The following THUMPD2 variants were observed in gnomAD, a reference collection of about 807,000 sequenced individuals.
The protein encoded by THUMPD2 is THUMP domain 2 tRNA and snRNA guanosine methyltransferase.
THUMPD2 carries 56 observed loss-of-function variants against 49.4 expected under a neutral mutation model. The ratio of observed to expected loss-of-function variants is 1.13; its 90% CI spans 0.91 to 1.41. THUMPD2 has a LOEUF of 1.41. Ranked by LOEUF, THUMPD2 falls within the 40% of genes most tolerant of loss-of-function variation. THUMPD2 has a pLI of 0.00. For synonymous variants in THUMPD2, 237 were observed against 205.2 expected (o/e 1.15, Z -1.32); for missense variants, 709 against 594.5 (o/e 1.19, Z -2.00).
chr2:39,769,845 A>C lies in THUMPD2; in HGVS notation c.537T>G (p.Thr179=). The C allele has an allele frequency of 6.2e-7, 1 of 1,612,336 alleles. No homozygotes were observed. The highest frequency in any genetic ancestry group is 8.5e-7 in the Non-Finnish European group (1 of 1,179,454). Residue 179 remains threonine, a synonymous_variant, in exon 3 of 10, where the codon ACT becomes ACG. Coordinates refer to ENST00000505747, the MANE Select transcript of THUMPD2 (RefSeq NM_025264.5). The part of the protein sequence containing the change: ...EETLEQRDFT[T]KSEKFQEEEF... ...CTTCTTCTTGAAACTTTTCGCTTTT[A>C]GTGGTAAAATCTCTTTGCTCCAGAG... is the stretch of plus-strand genomic sequence containing the variant.
Position 39,736,958 on chromosome 2 carries a change from T to A in THUMPD2, c.1289A>T (p.Asp430Val), listed in dbSNP as rs777445201. 6 of 1,614,118 alleles carry A rather than the reference T, an allele frequency of 3.7e-6. 1 individual carries two copies. In the Admixed American group the frequency reaches 1.0e-4, roughly 27 times the overall value. ...AATTCCAGGTTCATCTGTGTGACTG[T>A]CCTTGGAATTGAAAGGGATGTTGCT... is the stretch of plus-strand genomic sequence containing the variant. ...KESNIPFNSKDSHTDEPGIKK... is the reference protein window; with the variant it reads ...KESNIPFNSKVSHTDEPGIKK... Residue 430 changes from aspartate (D) to valine (V), a missense_variant, in exon 10 of 10, where the codon GAC (aspartate) becomes GTC (valine). Physicochemically the swap from Asp to Val is radical, Grantham distance 152. Coordinates refer to ENST00000505747, the MANE Select transcript of THUMPD2 (RefSeq NM_025264.5).
chr2:39,770,576 A>G (rs1312243008), intron 2 of THUMPD2, among the ~76,000 whole-genome samples: 1 of 152,144 alleles, frequency 6.6e-6, no homozygotes, highest in Non-Finnish European at 1.5e-5. Context: ...CACCATATTA[A>G]TAAGTATATT....
intron 2 of THUMPD2, among the ~76,000 whole-genome samples, chr2:39,770,966 T>C (rs1162160323): frequency 6.6e-6 from 1 of 152,156 alleles, no homozygotes; most frequent in African/African-American, 2.4e-5. Context: ...TATGTTGTTT[T>C]AGCAGCATAT....
Position 39,779,226 on chromosome 2 carries a change from C to T in THUMPD2, c.14G>A (p.Arg5His). 1 of 1,497,552 alleles carries T rather than the reference C, an allele frequency of 6.7e-7. No homozygotes were observed. The highest frequency in any genetic ancestry group is 8.9e-7 in the Non-Finnish European group (1 of 1,129,756). 92.8% of individuals were successfully genotyped at this position (1,497,552 alleles called of 1,614,324 possible). ...CTCAGGCCCGGACCCTGGCTCTCCA[C>T]GCGCCTCCGACATGGCGGCTCAGGC... The part of the protein sequence containing the change: MSEA[R>H]GEPGSGPEAG... The change falls in exon 1 of 10, where the codon CGT (arginine) becomes CAT (histidine). Residue 5 changes from arginine to histidine, a missense_variant. By Grantham distance (29) the Arg-to-His change is conservative. Transcript: ENST00000505747.
intron 1 of THUMPD2, among the ~76,000 whole-genome samples, chr2:39,777,335 C>T (rs927180556): frequency 1.3e-5 from 2 of 152,172 alleles, no homozygotes; most frequent in Non-Finnish European, 2.9e-5. Flanking sequence ...AAAGACCATA[C>T]GTACTCTACC....
chr2:39,770,624 T>C (rs1423728418), intron 2 of THUMPD2, among the ~76,000 whole-genome samples: 3 of 152,154 alleles, frequency 2.0e-5, no homozygotes, highest in Admixed American at 6.5e-5. Context: ...AACCCATTTA[T>C]AGCTTAGCAT....
chr2:39,740,581 T>C (rs1438154576), intron 9 of THUMPD2, among the ~76,000 whole-genome samples: 1 of 152,210 alleles, frequency 6.6e-6, no homozygotes, highest in Non-Finnish European at 1.5e-5. Context: ...CTTCTAGGCA[T>C]CTTTCCATGA....
chr2:39,771,709 A>G, intron 1 of THUMPD2, 69 bp from the exon 2 acceptor site: 1 of 1,446,724 alleles, frequency 6.9e-7, no homozygotes. Flanking sequence ...TTCCCTCAAG[A>G]TATAGCATCT....
chr2:39,751,901 G>A (rs575073159), intron 8 of THUMPD2, among the ~76,000 whole-genome samples: 190 of 152,120 alleles, frequency 1.2e-3, no homozygotes, highest in Non-Finnish European at 1.8e-3. Context: ...TGGCCAGGCT[G>A]GTCTCGAATT....
In THUMPD2 at chr2:39,744,391, C is replaced by G; in HGVS notation, c.1166G>C (p.Ser389Thr). 6.3e-7 allele frequency: 1 copy of G among 1,577,592 alleles called. No individual in the cohort carries two copies. The highest frequency in any genetic ancestry group is 1.2e-5 in the South Asian group (1 of 84,184). ...KKFKLGKDIK[S>T]ILQEMERVLH... Reference sequence around the variant, plus strand: ...TTACCTTTCCATTTCTTGTAGAATGCTTTTGATGTCTTTTCCTAACTTAAA... The same window carrying G: ...TTACCTTTCCATTTCTTGTAGAATGGTTTTGATGTCTTTTCCTAACTTAAA... Residue 389 changes from serine (S) to threonine (T), a missense_variant, in exon 9 of 10, where the codon AGC (serine) becomes ACC (threonine). Transcript: ENST00000505747.
intron 9 of THUMPD2, among the ~76,000 whole-genome samples, chr2:39,740,849 G>A (rs1196350800): frequency 6.6e-6 from 1 of 151,974 alleles, no homozygotes; most frequent in Non-Finnish European, 1.5e-5. Context: ...GGGACTGAAG[G>A]TGCATGCCAC....
At chr2:39,756,451 C>T (rs1258646231) in intron 6 of THUMPD2, among the ~76,000 whole-genome samples, 1 of 145,300 alleles carries the variant, frequency 6.9e-6, no homozygotes, top group Non-Finnish European at 1.5e-5. Flanking sequence ...CCAGCCTGGG[C>T]GACAGAGCGA....
chr2:39,747,995 T>C (rs990320679), intron 8 of THUMPD2, among the ~76,000 whole-genome samples: 2 of 152,234 alleles, frequency 1.3e-5, no homozygotes, highest in African/African-American at 2.4e-5. Context: ...AGAATATTTA[T>C]AGAATTTCAT....
chr2:39,776,843 C>G (rs988362147), intron 1 of THUMPD2, among the ~76,000 whole-genome samples: 1 of 152,170 alleles, frequency 6.6e-6, no homozygotes, highest in Non-Finnish European at 1.5e-5. Flanking sequence ...ATGGTAGCAC[C>G]TGGGCTTATC....
chr2:39,756,756 G>A (rs1353832090), intron 6 of THUMPD2, among the ~76,000 whole-genome samples: 1 of 152,118 alleles, frequency 6.6e-6, no homozygotes, highest in Admixed American at 6.5e-5. Context: ...ATCACAAGAA[G>A]ACAAGCATCT....
At chr2:39,746,040 G>A (rs1674537944) in intron 8 of THUMPD2, among the ~76,000 whole-genome samples, 1 of 152,174 alleles carries the variant, frequency 6.6e-6, no homozygotes, top group African/African-American at 2.4e-5. Context: ...AATAAAAGAG[G>A]TTAATATATG....
chr2:39,761,721 T>C (rs1005040901), intron 5 of THUMPD2, among the ~76,000 whole-genome samples: 2 of 152,214 alleles, frequency 1.3e-5, no homozygotes, highest in Non-Finnish European at 2.9e-5. Flanking sequence ...TATACTTCCC[T>C]GTCTTCCCAT....
intron 8 of THUMPD2, among the ~76,000 whole-genome samples, chr2:39,744,864 T>C (rs1674360229): frequency 6.6e-6 from 1 of 152,146 alleles, no homozygotes; most frequent in South Asian, 2.1e-4. Flanking sequence ...AACTGTACGT[T>C]TAGATCTACT....
intron 9 of THUMPD2, among the ~76,000 whole-genome samples, chr2:39,743,649 C>T (rs986211321): frequency 6.6e-6 from 1 of 152,124 alleles, no homozygotes; most frequent in Admixed American, 6.5e-5. Flanking sequence ...AGCCTGGCAC[C>T]TCCCCCTTCT....
Sources: allele counts gnomAD v4.1 joint callset (sites outside exome capture counted in the v4.1 genomes callset), GRCh38; gene constraint gnomAD v4.1.1; transcripts MANE v1.5; gene names NCBI Gene and HGNC (gene_info 2026-07-23, HGNC 2026-07-21).